Variants in HSF5 observed in about 807,000 individuals in gnomAD.
HSF5 encodes the protein heat shock factor protein 5.
Under a neutral mutation model 50.8 loss-of-function variants are expected in HSF5, and 5 were observed. The ratio of observed to expected loss-of-function variants is 0.10; its 90% CI spans 0.05 to 0.21. The LOEUF is 0.21. Among genes scored for constraint, HSF5 ranks in the 10% least tolerant of loss-of-function variants. HSF5 has a pLI of 1.00. For missense variants in HSF5, 564 were observed against 762.6 expected, an observed-to-expected ratio of 0.74 and a Z score of 3.07; for synonymous variants, 307 against 307.4, an observed-to-expected ratio of 1.00 and a Z score of 0.02.
chr17:58,434,697 TA>T (rs1287783048), intron 5 of HSF5, among the ~76,000 whole-genome samples: 2 of 151,654 alleles, frequency 1.3e-5, no homozygotes, highest in African/African-American at 4.8e-5. Context: ...CTATAAAAAT[TA>T]AAAAAATTAG....
intron 2 of HSF5, among the ~76,000 whole-genome samples, chr17:58,470,161 T>C (rs535276040): frequency 3.3e-5 from 5 of 152,280 alleles, no homozygotes; most frequent in African/African-American, 9.6e-5. Context: ...AAAGAAAAGG[T>C]CTTCTGAGTT....
intron 5 of HSF5, among the ~76,000 whole-genome samples, chr17:58,452,875 TAA>T (rs35846805): frequency 3.1e-4 from 47 of 150,542 alleles, no homozygotes; most frequent in African/African-American, 9.3e-4. Flanking sequence ...TTGGGGAAGA[TAA>T]AAAAAAAAAT....
intron 5 of HSF5, among the ~76,000 whole-genome samples, chr17:58,450,022 CA>C (rs71143248): frequency 2.1e-3 from 163 of 76,560 alleles, no homozygotes; most frequent in South Asian, 0.013. Flanking sequence ...GACTCCGTCT[CA>C]AAAAAAAAAA....
Position 58,476,290 on chromosome 17 carries a change from T to C in HSF5, c.925+3603A>G, listed in dbSNP as rs535415672. ...TTCATCATCCATATCAGGAACCAAG[T>C]GGTACTGTAATGGGTTTGGCCAAAT... On this transcript the variant is annotated intron_variant, in intron 2 of 5. Transcript: ENST00000323777. 7 of 997,190 alleles carry C rather than the reference T, an allele frequency of 7.0e-6. No individual in the cohort carries two copies. The South Asian group carries it at 9.0e-5, about 13-fold the overall frequency. 61.8% of individuals were successfully genotyped at this position (997,190 alleles called of 1,614,324 possible).
chr17:58,434,915 T>C (rs1974407143), intron 5 of HSF5, among the ~76,000 whole-genome samples: 1 of 152,172 alleles, frequency 6.6e-6, no homozygotes, highest in South Asian at 2.1e-4. Context: ...TAGCAGTAGG[T>C]CCTAAGTCTG....
Position 58,458,959 on chromosome 17 carries a change from C to T in HSF5, c.1543-14G>A. Reference sequence around the variant, plus strand: ...GTTGGCATCCACCTAAAATATTAAACCCATTCATTATTTGAGATTTCCTCC... The same window carrying T: ...GTTGGCATCCACCTAAAATATTAAATCCATTCATTATTTGAGATTTCCTCC... On this transcript the variant is annotated splice_polypyrimidine_tract_variant and intron_variant, in intron 4 of 5. Transcript: ENST00000323777. The T allele has an allele frequency of 1.3e-6, 2 of 1,593,368 alleles. No individual in the cohort carries two copies. The highest frequency in any genetic ancestry group is 1.1e-5 in the South Asian group (1 of 87,626).
At chr17:58,480,805 A>G (rs535156624) in intron 1 of HSF5, among the ~76,000 whole-genome samples, 1 of 151,704 alleles carries the variant, frequency 6.6e-6, no homozygotes, top group East Asian at 1.9e-4. Flanking sequence ...CTATCTATCT[A>G]GCAACCGGGT....
Position 58,479,875 on chromosome 17 carries a change from A to G in HSF5, c.925+18T>C. 1.3e-6 allele frequency: 2 copies of G among 1,594,048 alleles called. No individual in the cohort carries two copies. Among genetic ancestry groups the G allele is most frequent in the South Asian group, 2.3e-5 (2 of 88,798 alleles). On this transcript the variant is annotated intron_variant, in intron 2 of 5. Transcript: ENST00000323777. Reference sequence around the variant, plus strand: ...AAACAACCTTAAATAGAAGGCCATGAACCTGAATTTGTCATACCTGTTGGA... The same window carrying G: ...AAACAACCTTAAATAGAAGGCCATGGACCTGAATTTGTCATACCTGTTGGA...
At chr17:58,450,446 C>A (rs1407673368) in intron 5 of HSF5, among the ~76,000 whole-genome samples, 1 of 149,776 alleles carries the variant, frequency 6.7e-6, no homozygotes, top group African/African-American at 2.4e-5. Context: ...ATTAGCTATA[C>A]TTATATCAGA....
chr17:58,465,133 TCTCC>T (rs966989831), intron 3 of HSF5, among the ~76,000 whole-genome samples: 87 of 142,286 alleles, frequency 6.1e-4, no homozygotes, highest in African/African-American at 1.8e-3. Flanking sequence ...ACCCTTTCTC[TCTCC>T]CTCCCTCCCT....
intron 4 of HSF5, among the ~76,000 whole-genome samples, chr17:58,460,381 C>G (rs1462508106): frequency 2.0e-5 from 3 of 151,556 alleles, no homozygotes; most frequent in African/African-American, 7.3e-5. Flanking sequence ...TCAAGTTGAT[C>G]AACTTCTGAA....
At chr17:58,458,642 A>T (rs1264777090) in intron 5 of HSF5, 126 bp downstream of exon 5, 8 of 685,408 alleles carry the variant, frequency 1.2e-5, no homozygotes, top group Non-Finnish European at 1.9e-5. Flanking sequence ...AGCTATGTAA[A>T]AACAGCAATG....
chr17:58,431,752 G>A (rs1299772882), intron 5 of HSF5, among the ~76,000 whole-genome samples: 1 of 152,200 alleles, frequency 6.6e-6, no homozygotes, highest in East Asian at 1.9e-4. Flanking sequence ...ACCTAGCACA[G>A]TACCAAGCCC....
intron 5 of HSF5, among the ~76,000 whole-genome samples, chr17:58,426,111 T>C (rs1974293763): frequency 6.6e-6 from 1 of 152,182 alleles, no homozygotes; most frequent in South Asian, 2.1e-4. Flanking sequence ...AACCCTACTT[T>C]GAAAGCAGAG....
chr17:58,486,290 G>C (rs1192986488), intron 1 of HSF5, among the ~76,000 whole-genome samples: 2 of 152,128 alleles, frequency 1.3e-5, no homozygotes, highest in Admixed American at 6.6e-5. Flanking sequence ...GCTTGAACCC[G>C]AGAGGCGGAG....
In HSF5 at chr17:58,487,780, C is replaced by A. The variant is rs1353866487; in HGVS notation, c.495G>T (p.Ala165=). The A allele has an allele frequency of 2.0e-6, 3 of 1,496,272 alleles. No homozygotes were observed. Among genetic ancestry groups the A allele is most frequent in the African/African-American group, 2.9e-5 (2 of 69,400 alleles). 92.7% of individuals were successfully genotyped at this position (1,496,272 alleles called of 1,614,324 possible). Residue 165 remains alanine, a synonymous_variant, in exon 1 of 6, where the codon GCG becomes GCT. Transcript: ENST00000323777. ...LLITSASAAT[A]PLQHQQPPPP... Reference sequence around the variant, plus strand: ...GCGGCGGCTGCTGGTGCTGCAGTGGCGCGGTGGCGGCGGAGGCCGAGGTGA... The same window carrying A: ...GCGGCGGCTGCTGGTGCTGCAGTGGAGCGGTGGCGGCGGAGGCCGAGGTGA...
chr17:58,487,665 G>A, intron 1 of HSF5, 60 bp downstream of exon 1: 3 of 1,353,722 alleles, frequency 2.2e-6, no homozygotes, highest in Non-Finnish European at 2.8e-6. Flanking sequence ...CTCCAGCGGC[G>A]GTTGCTCCCC....
chr17:58,476,277 A>T, intron 2 of HSF5: 1 of 975,304 alleles, frequency 1.0e-6, no homozygotes, highest in Admixed American at 1.8e-5. Context: ...CATCATCCAT[A>T]TCAGGAACCA....
At position 58,488,385 on chromosome 17, in the gene HSF5, G is replaced by A. The variant is rs1415534101; in HGVS notation, c.-111C>T. ...CCGCTCCTGCCGGCGCCCATCCGCC[G>A]CGTACCAGGGACCGTTGGCGCACGA... On this transcript the variant is annotated 5_prime_UTR_variant, in exon 1 of 6. Transcript: ENST00000323777. This position sits in a 1 kb window ranked among gnomAD's most constrained non-coding sequence, Gnocchi z 4.1. The A allele has an allele frequency of 4.1e-5, 54 of 1,315,594 alleles. No homozygotes were observed. The highest frequency in any genetic ancestry group is 2.5e-4 in the Middle Eastern group (1 of 3,938). 81.5% of individuals were successfully genotyped at this position (1,315,594 alleles called of 1,614,324 possible).
Sources: gnomAD v4.1 joint callset for allele counts (sites outside exome capture counted in the v4.1 genomes callset) on GRCh38, gnomAD v4.1.1 for gene constraint, Gnocchi (gnomAD v3.1) non-coding constraint, MANE v1.5 for transcripts, NCBI Gene and HGNC (gene_info 2026-07-23, HGNC 2026-07-21) for gene names.